Variants in CNOT4 observed in about 807,000 individuals in gnomAD.
The protein encoded by CNOT4 is CCR4-NOT transcription complex subunit 4.
A neutral mutation model predicts 73.8 loss-of-function variants in CNOT4; 8 were observed. The observed-to-expected ratio is 0.11, with a 90% CI of 0.06 to 0.20. CNOT4 has a LOEUF of 0.20. CNOT4 is among the 10% of genes least tolerant of loss of function. CNOT4 has a pLI of 1.00. For synonymous variants in CNOT4, 293 were observed against 321.1 expected (o/e 0.91, Z 0.94); for missense variants, 564 against 883.4 (o/e 0.64, Z 4.58).
intron 1 of CNOT4, among the ~76,000 whole-genome samples, chr7:135,441,580 T>G (rs1186522243): frequency 1.3e-5 from 2 of 151,846 alleles, no homozygotes; most frequent in Non-Finnish European, 2.9e-5. Context: ...TAAACTGAAA[T>G]AATCAAATGG....
At chr7:135,413,779 T>C (rs1368864058) in intron 5 of CNOT4, among the ~76,000 whole-genome samples, 166 bp from the exon 6 acceptor site, 1 of 152,034 alleles carries the variant, frequency 6.6e-6, no homozygotes, top group Non-Finnish European at 1.5e-5. Flanking sequence ...ATTAGCAGGA[T>C]TTATTATAGA....
intron 3 of CNOT4, among the ~76,000 whole-genome samples, chr7:135,418,700 C>T (rs2551776): frequency 0.64 from 97,835 of 151,944 alleles, 31,671 homozygotes; most frequent in East Asian, 0.76. Flanking sequence ...AAAGTCATAG[C>T]TCATCAAACA....
intron 7 of CNOT4, among the ~76,000 whole-genome samples, chr7:135,400,734 A>C (rs1015458726): frequency 6.6e-6 from 1 of 152,166 alleles, no homozygotes; most frequent in African/African-American, 2.4e-5. Flanking sequence ...AGGTTTTATC[A>C]AAGATGTTTT....
chr7:135,504,688 GT>G (rs1804243168), intron 1 of CNOT4, among the ~76,000 whole-genome samples: 1 of 119,976 alleles, frequency 8.3e-6, no homozygotes, highest in Admixed American at 7.7e-5. Flanking sequence ...GGGTTTCACC[GT>G]TTTAGCCGGG....
chr7:135,391,576 A>C (rs972595636), intron 10 of CNOT4, among the ~76,000 whole-genome samples: 13 of 152,244 alleles, frequency 8.5e-5, no homozygotes, highest in African/African-American at 2.9e-4. Context: ...GTATATGGTA[A>C]AAGTTTTAAA....
chr7:135,425,988 G>A (rs1208443987), intron 2 of CNOT4, among the ~76,000 whole-genome samples: 1 of 152,052 alleles, frequency 6.6e-6, no homozygotes, highest in Non-Finnish European at 1.5e-5. Context: ...AGCACTTAGG[G>A]AGGGTGAGGT....
chr7:135,429,227 T>G (rs1241770011), intron 2 of CNOT4, among the ~76,000 whole-genome samples: 1 of 152,190 alleles, frequency 6.6e-6, no homozygotes, highest in African/African-American at 2.4e-5. Flanking sequence ...TGAATTTCAT[T>G]ATGACTAATA....
intron 10 of CNOT4, among the ~76,000 whole-genome samples, chr7:135,369,153 T>A (rs1334741179): frequency 2.6e-5 from 4 of 152,126 alleles, no homozygotes; most frequent in Non-Finnish European, 5.9e-5. Flanking sequence ...GAGATTTAAT[T>A]TGAAAAATAA....
At chr7:135,453,694 CA>C (rs2129485982) in intron 1 of CNOT4, among the ~76,000 whole-genome samples, 1 of 148,038 alleles carries the variant, frequency 6.8e-6, no homozygotes, top group African/African-American at 2.5e-5. Flanking sequence ...ATAAAACAAT[CA>C]AGCTTATGTA....
At position 135,431,615 on chromosome 7, in the gene CNOT4, C is replaced by T. The variant is rs182865906; in HGVS notation, c.174+6543G>A. On this transcript the variant is annotated intron_variant, in intron 2 of 11. Coordinates refer to ENST00000541284, the MANE Select transcript of CNOT4 (RefSeq NM_001190850.2). ...AAAATTAGCCAGGTGTGGTGGCACA[C>T]GCCTGTAGTCCCAGCTACTCCAGAG... 4.6e-5 allele frequency among the ~76,000 whole-genome samples: 7 copies of T among 151,968 alleles called. No individual in the cohort carries two copies. In the East Asian group the frequency reaches 1.2e-3, roughly 25 times the overall value.
intron 10 of CNOT4, chr7:135,387,944 T>C (rs1238565824): frequency 1.0e-6 from 1 of 968,268 alleles, no homozygotes; most frequent in Non-Finnish European, 1.2e-6. Flanking sequence ...TATTAAACAA[T>C]GAAATTTCCA....
At chr7:135,448,634 C>T (rs1799981007) in intron 1 of CNOT4, among the ~76,000 whole-genome samples, 1 of 152,000 alleles carries the variant, frequency 6.6e-6, no homozygotes, top group Admixed American at 6.6e-5. Context: ...CAAGAGCAAC[C>T]AGATGATGGA....
chr7:135,394,567 T>C, intron 9 of CNOT4, 152 bp from the exon 10 acceptor site: 1 of 658,484 alleles, frequency 1.5e-6, no homozygotes, highest in South Asian at 2.0e-5. Flanking sequence ...GATCATATAA[T>C]TACAAAAGGC....
chr7:135,467,171 T>C (rs117750344), intron 1 of CNOT4, among the ~76,000 whole-genome samples: 1 of 152,128 alleles, frequency 6.6e-6, no homozygotes, highest in Non-Finnish European at 1.5e-5. Context: ...ATGATGATCA[T>C]GATGATGATG....
At chr7:135,409,362 A>G (rs1214910257) in intron 7 of CNOT4, among the ~76,000 whole-genome samples, 1 of 152,076 alleles carries the variant, frequency 6.6e-6, no homozygotes, top group Admixed American at 6.5e-5. Flanking sequence ...ATATAAACAA[A>G]TTTTACATAG....
intron 3 of CNOT4, among the ~76,000 whole-genome samples, chr7:135,415,684 G>A (rs1487912834): frequency 6.6e-6 from 1 of 152,132 alleles, no homozygotes; most frequent in Admixed American, 6.6e-5. Flanking sequence ...AGACAGAATT[G>A]AAAGAACAGA....
At chr7:135,391,347 T>C (rs1405231881) in intron 10 of CNOT4, among the ~76,000 whole-genome samples, 1 of 152,042 alleles carries the variant, frequency 6.6e-6, no homozygotes, top group East Asian at 1.9e-4. Context: ...ACATTAAAAC[T>C]AAAATTTCTC....
intron 1 of CNOT4, chr7:135,444,623 TG>T: frequency 7.9e-7 from 1 of 1,260,596 alleles, no homozygotes; most frequent in Admixed American, 1.7e-5. Flanking sequence ...GCCACCATTC[TG>T]GTTCCAAGGC....
At chr7:135,436,780 C>T (rs1167991817) in intron 2 of CNOT4, among the ~76,000 whole-genome samples, 1 of 151,640 alleles carries the variant, frequency 6.6e-6, no homozygotes, top group Non-Finnish European at 1.5e-5. Context: ...TTTTAAAAAT[C>T]TAATGATAAA....
Sources: gnomAD v4.1 joint callset for allele counts (sites outside exome capture counted in the v4.1 genomes callset) on GRCh38, gnomAD v4.1.1 for gene constraint, MANE v1.5 for transcripts, NCBI Gene and HGNC (gene_info 2026-07-23, HGNC 2026-07-21) for gene names.